The following C4orf50 variants were observed in gnomAD, a reference collection of about 807,000 sequenced individuals.
C4orf50 encodes the protein uncharacterized protein C4orf50.
C4orf50 carries 80 observed loss-of-function variants against 77.2 expected under a neutral mutation model. That is an observed-to-expected ratio of 1.04 (90% CI 0.87 to 1.25). C4orf50 has a LOEUF of 1.25. Among genes scored for constraint, C4orf50 ranks in the 50% most tolerant of loss-of-function variants. The probability of loss-of-function intolerance (pLI) is 0.00; values close to 1 mark genes in which losing one functional copy is unlikely to be tolerated. For synonymous variants in C4orf50, 532 were observed against 465.3 expected, an observed-to-expected ratio of 1.14 and a Z score of -1.84; for missense variants, 1,257 against 1,152.9, an observed-to-expected ratio of 1.09 and a Z score of -1.31.
chr4:5,970,668 G>A lies in C4orf50; in HGVS notation c.4104+2991C>T, dbSNP rs577206933. Among the ~76,000 whole-genome samples the A allele has an allele frequency of 1.1e-4, 17 of 152,302 alleles. No homozygotes were observed. The highest frequency in any genetic ancestry group is 2.9e-4 in the African/African-American group (12 of 41,572). Reference sequence around the variant, plus strand: ...CAAACCAGGACAAGAAAAGAAAATGGAAATACAAAGACTCAGTCACGTGCA... The same window carrying A: ...CAAACCAGGACAAGAAAAGAAAATGAAAATACAAAGACTCAGTCACGTGCA... On this transcript the variant is annotated intron_variant, in intron 31 of 33. Coordinates refer to ENST00000531445, the Ensembl canonical transcript of C4orf50. The surrounding 1 kb of genome is among the most constrained non-coding windows in gnomAD (Gnocchi z 4.3).
At position 6,018,386 on chromosome 4, in the gene C4orf50, C is replaced by T. The variant is rs1008077677; in HGVS notation, c.46G>A (p.Val16Ile). 7 of 398,998 alleles carry T rather than the reference C, an allele frequency of 1.8e-5. No individual in the cohort carries two copies. In the South Asian group the frequency reaches 3.8e-4, roughly 22 times the overall value. The allele number at this position is 398,998 out of a possible 1,614,324, so 24.7% of individuals were successfully genotyped here. Residue 16 changes from valine to isoleucine, a missense_variant, in exon 23 of 34, where the codon GTC becomes ATC. Coordinates refer to ENST00000531445, the Ensembl canonical transcript of C4orf50. The surrounding 1 kb of genome is among the most constrained non-coding windows in gnomAD (Gnocchi z 5.1). ...CCCTCACTGCTGGGGGCTCTGATGA[C>T]GTAGCTGAAACTCTCCTCAGTCCGT...
chr4:5,989,462 C>G lies in C4orf50; in HGVS notation c.2584G>C (p.Gly862Arg), dbSNP rs537841804. Residue 862 changes from glycine to arginine, a missense_variant, in exon 28 of 34, where the codon GGT becomes CGT. Physicochemically the swap from Gly to Arg is moderately radical, Grantham distance 125. Coordinates refer to ENST00000531445, the Ensembl canonical transcript of C4orf50. ...TTCGCTTCTTCATTAGAACAAATAC[C>G]CCAATTTCCCCAAACCTGCTGAGAG... The G allele has an allele frequency of 4.6e-6, 7 of 1,536,050 alleles. No homozygotes were observed. In the South Asian group the frequency reaches 8.3e-5, roughly 18 times the overall value.
Position 5,908,789 on chromosome 4 carries a change from A to G in C4orf50, c.*2475-10601T>C, listed in dbSNP as rs2152480853. 6.6e-6 allele frequency among the ~76,000 whole-genome samples: 1 copy of G among 152,324 alleles called. No homozygotes were observed. The highest frequency in any genetic ancestry group is 1.5e-5 in the Non-Finnish European group (1 of 68,026). On this transcript the variant is annotated intron_variant, in intron 7 of 7. Transcript: ENST00000324058. The surrounding 1 kb of genome is among the most constrained non-coding windows in gnomAD (Gnocchi z 5.6). ...GTGGGGATGCACAGGGGATGTGGGA[A>G]GGTCATACTTGGGGACCATTTTGTC...
At chr4:5,993,516 G>A (rs1031476949) in intron 26 of C4orf50, among the ~76,000 whole-genome samples, 3 of 152,210 alleles carry the variant, frequency 2.0e-5, no homozygotes, top group African/African-American at 7.2e-5. Flanking sequence ...GGCTGAGGCT[G>A]TTATGAGATA....
intron 7 of C4orf50, among the ~76,000 whole-genome samples, chr4:5,923,621 G>A (rs899694386): frequency 6.6e-6 from 1 of 152,144 alleles, no homozygotes; most frequent in African/African-American, 2.4e-5. Context: ...CTGGTGCCAG[G>A]CATGATCCAT....
rs33913636 is a variant in C4orf50 at position 5,910,907 on chromosome 4, CT to C, written c.*2475-12720del. On this transcript the variant is annotated intron_variant, in intron 7 of 7. Coordinates refer to the C4orf50 transcript ENST00000324058. ...GCCAATGGGTTTCTTCCCTTTCTTT[CT>C]TTTTTTTTTTTTTTTTTTTGAGACG... Among the ~76,000 whole-genome samples, 48 of 106,570 alleles carry C rather than the reference CT, an allele frequency of 4.5e-4. No individual in the cohort carries two copies. In the South Asian group the frequency reaches 0.01, roughly 22 times the overall value. 69.9% of individuals were successfully genotyped at this position (106,570 alleles called of 152,430 possible). A position where few individuals can be genotyped will look rare whatever the true frequency, so the allele number is the denominator to read the frequency against.
rs1716519208 is a variant in C4orf50 at position 5,905,733 on chromosome 4, C to T, written c.*2475-7545G>A. Among the ~76,000 whole-genome samples, 1 of 152,228 alleles carries T rather than the reference C, an allele frequency of 6.6e-6. No homozygotes were observed. The highest frequency in any genetic ancestry group is 1.5e-5 in the Non-Finnish European group (1 of 68,044). On this transcript the variant is annotated intron_variant, in intron 7 of 7. Transcript: ENST00000324058. The surrounding 1 kb of genome is among the most constrained non-coding windows in gnomAD (Gnocchi z 5.4). Reference sequence around the variant, plus strand: ...TTTTATGTTACTAAGCATTCATGCACATTCTGTAGAGAGGGTTTCTAGCTT... The same window carrying T: ...TTTTATGTTACTAAGCATTCATGCATATTCTGTAGAGAGGGTTTCTAGCTT...
rs1043990122 is a variant in C4orf50, at chr4:6,017,897, G to T, written c.287+248C>A. Among the ~76,000 whole-genome samples the T allele has an allele frequency of 3.3e-5, 5 of 152,112 alleles. No individual in the cohort carries two copies. In the East Asian group the frequency reaches 5.8e-4, roughly 18 times the overall value. On this transcript the variant is annotated intron_variant, in intron 23 of 33. Coordinates refer to ENST00000531445, the Ensembl canonical transcript of C4orf50. The surrounding 1 kb of genome is among the most constrained non-coding windows in gnomAD (Gnocchi z 4.7). ...TCTCCCTGCCTCCCTCCGTTTCAGG[G>T]CCTCCCATTGGCTGCACCTAAATGG...
intron 7 of C4orf50, chr4:5,899,633 T>C (rs1716261745): frequency 6.6e-6 from 1 of 152,030 alleles, no homozygotes; most frequent in African/African-American, 2.4e-5. Context: ...TAAATATGAG[T>C]CTAGCACAGA....
At chr4:5,911,705 A>C (rs1427485449) in intron 7 of C4orf50, among the ~76,000 whole-genome samples, 1 of 152,246 alleles carries the variant, frequency 6.6e-6, no homozygotes, top group Non-Finnish European at 1.5e-5. Flanking sequence ...GTGGTGAGCT[A>C]GCAAATGTTT....
chr4:5,981,316 G>T (rs1317366146), intron 28 of C4orf50, among the ~76,000 whole-genome samples: 1 of 151,908 alleles, frequency 6.6e-6, no homozygotes, highest in Non-Finnish European at 1.5e-5. Flanking sequence ...CTGTGACAAA[G>T]GCCCTTGTAC....
chr4:6,017,080 C>T lies in C4orf50; in HGVS notation c.287+1065G>A, dbSNP rs1289285296. On this transcript the variant is annotated intron_variant, in intron 23 of 33. Coordinates refer to ENST00000531445, the Ensembl canonical transcript of C4orf50. This position sits in a 1 kb window ranked among gnomAD's most constrained non-coding sequence, Gnocchi z 4.7. ...AAAGAAGATGGGCTTTAGAGAAAGA[C>T]CTGGATTCAAACGCCCCACCTTGAG... Among the ~76,000 whole-genome samples, 2 of 152,222 alleles carry T rather than the reference C, an allele frequency of 1.3e-5. No homozygotes were observed. Among genetic ancestry groups the T allele is most frequent in the East Asian group, 3.8e-4 (2 of 5,204 alleles).
chr4:5,998,706 C>T (rs572042503), intron 25 of C4orf50, among the ~76,000 whole-genome samples: 3 of 152,222 alleles, frequency 2.0e-5, no homozygotes, highest in South Asian at 2.1e-4. Flanking sequence ...TGCCCTCTGC[C>T]GTAGCATCAC....
chr4:5,982,190 G>A (rs1167691533), intron 28 of C4orf50, among the ~76,000 whole-genome samples: 1 of 152,124 alleles, frequency 6.6e-6, no homozygotes, highest in African/African-American at 2.4e-5. Context: ...TTTCTGGGAA[G>A]TACATTGCCT....
chr4:5,898,556 T>A (rs1467904204), intron 7 of C4orf50: 1 of 152,176 alleles, frequency 6.6e-6, no homozygotes, highest in Non-Finnish European at 1.5e-5. Context: ...CAAAACTCAC[T>A]CTCCTACTGC....
intron 31 of C4orf50, among the ~76,000 whole-genome samples, chr4:5,967,730 G>A (rs985026356): frequency 9.2e-5 from 14 of 152,154 alleles, no homozygotes; most frequent in African/African-American, 3.4e-4. Context: ...TCTCCAAATG[G>A]AGACAGTAAT....
At chr4:5,999,230 G>A (rs1035189459) in intron 25 of C4orf50, among the ~76,000 whole-genome samples, 2 of 152,128 alleles carry the variant, frequency 1.3e-5, no homozygotes, top group African/African-American at 2.4e-5. Flanking sequence ...CATAGCCAAG[G>A]GGTCACTGCA....
exon 34 of C4orf50, chr4:5,959,131 T>G: frequency 2.0e-6 from 1 of 510,358 alleles, no homozygotes; most frequent in Non-Finnish European, 3.5e-6. Flanking sequence ...TAGGTTTTGG[T>G]ACAGTAAATA....
At chr4:5,930,759 A>C (rs1363014219) in intron 7 of C4orf50, among the ~76,000 whole-genome samples, 1 of 152,202 alleles carries the variant, frequency 6.6e-6, no homozygotes, top group Non-Finnish European at 1.5e-5. Flanking sequence ...ACTCAACTCC[A>C]GTGTGCGTCT....
Sources: allele counts gnomAD v4.1 joint callset (sites outside exome capture counted in the v4.1 genomes callset), GRCh38; gene constraint gnomAD v4.1.1; non-coding constraint Gnocchi (gnomAD v3.1); transcripts MANE v1.5; gene names NCBI Gene and HGNC (gene_info 2026-07-23, HGNC 2026-07-21).